The following HCN1 variants were observed in gnomAD, a reference collection of about 807,000 sequenced individuals.
HCN1 encodes potassium/sodium hyperpolarization-activated cyclic nucleotide-gated channel 1.
HCN1 carries 13 observed loss-of-function variants against 78.9 expected under a neutral mutation model. That is an observed-to-expected ratio of 0.16 (90% CI 0.11 to 0.26). The LOEUF is 0.26. Among genes scored for constraint, HCN1 ranks in the 10% least tolerant of loss-of-function variants. HCN1 has a pLI of 1.00. For missense variants in HCN1, 810 were observed against 1,154.3 expected, an observed-to-expected ratio of 0.70 and a Z score of 4.32; for synonymous variants, 552 against 455.5, an observed-to-expected ratio of 1.21 and a Z score of -2.70.
chr5:45,469,185 T>G (rs182371176), intron 2 of HCN1, among the ~76,000 whole-genome samples: 1 of 151,938 alleles, frequency 6.6e-6, no homozygotes, highest in East Asian at 1.9e-4. Context: ...GAAATACATC[T>G]TTTCAACTTT....
chr5:45,324,869 A>G lies in HCN1; in HGVS notation c.1378-21030T>C, dbSNP rs534400223. Among the ~76,000 whole-genome samples, 4 of 151,960 alleles carry G rather than the reference A, an allele frequency of 2.6e-5. No homozygotes were observed. The East Asian group carries it at 7.8e-4, about 29-fold the overall frequency. ...AAAGTTAAAATAAGAATCAAGGAAA[A>G]TTAAAATAAATAAACAAAATAAAAC... On this transcript the variant is annotated intron_variant, in intron 5 of 7. Coordinates refer to ENST00000303230, the MANE Select transcript of HCN1 (RefSeq NM_021072.4).
At chr5:45,673,013 C>T (rs919884180) in intron 1 of HCN1, among the ~76,000 whole-genome samples, 1 of 151,530 alleles carries the variant, frequency 6.6e-6, no homozygotes, top group Non-Finnish European at 1.5e-5. Flanking sequence ...TGTCCATTCT[C>T]TGTTCCAGCA....
Position 45,513,957 on chromosome 5 carries a change from G to A in HCN1, c.850-51950C>T, listed in dbSNP as rs138099411. ...CTGTCCAAATGTAAGGGGATACCAA[G>A]GGACAAGAAGAAAACATCAAGCACT... On this transcript the variant is annotated intron_variant, in intron 2 of 7. Transcript: ENST00000303230. Among the ~76,000 whole-genome samples the A allele has an allele frequency of 5.0e-3, 762 of 152,218 alleles. 4 individuals are homozygous for A. Among genetic ancestry groups the A allele is most frequent in the African/African-American group, 0.018 (727 of 41,538 alleles).
chr5:45,331,734 C>T (rs548716110), intron 5 of HCN1, among the ~76,000 whole-genome samples: 1 of 151,356 alleles, frequency 6.6e-6, no homozygotes, highest in Non-Finnish European at 1.5e-5. Context: ...ACAGCAAAAC[C>T]AAACTACCCA....
At chr5:45,526,510 A>G (rs1742738405) in intron 2 of HCN1, among the ~76,000 whole-genome samples, 1 of 151,978 alleles carries the variant, frequency 6.6e-6, no homozygotes, top group Non-Finnish European at 1.5e-5. Context: ...CAATCCCACT[A>G]CTTCCTCTAT....
At chr5:45,631,354 T>C (rs767411981) in intron 2 of HCN1, among the ~76,000 whole-genome samples, 3 of 152,116 alleles carry the variant, frequency 2.0e-5, no homozygotes, top group Non-Finnish European at 2.9e-5. Context: ...AGTCTGATTG[T>C]TTAAAACCCT....
At chr5:45,347,605 T>C (rs1253270218) in intron 5 of HCN1, among the ~76,000 whole-genome samples, 2 of 152,110 alleles carry the variant, frequency 1.3e-5, no homozygotes, top group Admixed American at 6.5e-5. Context: ...GCAAAGAAGT[T>C]GAAAACTTTG....
At chr5:45,315,672 C>T (rs1248691921) in intron 5 of HCN1, among the ~76,000 whole-genome samples, 2 of 151,822 alleles carry the variant, frequency 1.3e-5, no homozygotes, top group Admixed American at 6.6e-5. Flanking sequence ...ACTAGCAAGA[C>T]TGATAAAGAA....
chr5:45,686,438 T>G lies in HCN1; in HGVS notation c.425+9231A>C, dbSNP rs73104912. 8.6e-3 allele frequency among the ~76,000 whole-genome samples: 1,317 copies of G among 152,338 alleles called. 26 individuals are homozygous for G. Among genetic ancestry groups the G allele is most frequent in the African/African-American group, 0.031 (1,290 of 41,578 alleles). Reference sequence around the variant, plus strand: ...GCTGCCAACTGTGGAACACAAGGACTTAGCTTTCTGACATCACCCAAACCA... The same window carrying G: ...GCTGCCAACTGTGGAACACAAGGACGTAGCTTTCTGACATCACCCAAACCA... On this transcript the variant is annotated intron_variant, in intron 1 of 7. Coordinates refer to ENST00000303230, the MANE Select transcript of HCN1 (RefSeq NM_021072.4).
At chr5:45,691,886 C>T (rs1204553448) in intron 1 of HCN1, among the ~76,000 whole-genome samples, 1 of 152,160 alleles carries the variant, frequency 6.6e-6, no homozygotes, top group South Asian at 2.1e-4. Context: ...ACGGTATCTT[C>T]AGGAAGTAAC....
At chr5:45,675,404 A>G (rs975630153) in intron 1 of HCN1, among the ~76,000 whole-genome samples, 1 of 151,760 alleles carries the variant, frequency 6.6e-6, no homozygotes, top group South Asian at 2.1e-4. Context: ...CTCTAGCCCC[A>G]CTGAGTCACT....
chr5:45,403,074 A>G (rs1246774707), intron 3 of HCN1, among the ~76,000 whole-genome samples: 1 of 151,994 alleles, frequency 6.6e-6, no homozygotes, highest in Non-Finnish European at 1.5e-5. Context: ...GCTATTCTTC[A>G]TGAAGAGTGA....
chr5:45,397,553 C>T (rs1739711853), intron 3 of HCN1, among the ~76,000 whole-genome samples: 1 of 151,520 alleles, frequency 6.6e-6, no homozygotes, highest in African/African-American at 2.4e-5. Flanking sequence ...TTATTGAACT[C>T]CCTAATTCAA....
rs577795683 is a variant in HCN1, at chr5:45,493,549, A to G, written c.850-31542T>C. On this transcript the variant is annotated intron_variant, in intron 2 of 7. Coordinates refer to ENST00000303230, the MANE Select transcript of HCN1 (RefSeq NM_021072.4). ...TATGTTTCTACTTTTATTAGAATAT[A>G]TTTACCAATGTATTTCAATTGTGTT... 2.6e-5 allele frequency among the ~76,000 whole-genome samples: 4 copies of G among 151,736 alleles called. No individual in the cohort carries two copies. The East Asian group carries it at 7.7e-4, about 29-fold the overall frequency.
intron 3 of HCN1, among the ~76,000 whole-genome samples, chr5:45,444,525 G>A (rs980501244): frequency 6.6e-6 from 1 of 152,042 alleles, no homozygotes; most frequent in Admixed American, 6.6e-5. Flanking sequence ...AAAACCCTTA[G>A]TATGCTTTAC....
At chr5:45,274,669 C>T (rs1745020606) in intron 6 of HCN1, among the ~76,000 whole-genome samples, 1 of 152,180 alleles carries the variant, frequency 6.6e-6, no homozygotes, top group Admixed American at 6.5e-5. Context: ...CATCAAGTAG[C>T]TCTCCAAATT....
chr5:45,480,978 AT>A (rs1476744661), intron 2 of HCN1, among the ~76,000 whole-genome samples: 2 of 152,228 alleles, frequency 1.3e-5, no homozygotes, highest in African/African-American at 2.4e-5. Flanking sequence ...TAGTAGTTCC[AT>A]TATTCGAATG....
intron 3 of HCN1, among the ~76,000 whole-genome samples, chr5:45,459,786 C>A (rs1398466401): frequency 6.6e-6 from 1 of 151,878 alleles, no homozygotes; most frequent in Non-Finnish European, 1.5e-5. Flanking sequence ...TTGGTTGGTG[C>A]CAATGAATCA....
intron 4 of HCN1, among the ~76,000 whole-genome samples, chr5:45,365,578 T>C (rs1390442566): frequency 6.6e-6 from 1 of 151,972 alleles, no homozygotes; most frequent in Non-Finnish European, 1.5e-5. Flanking sequence ...ATTTTCTTTA[T>C]CCATTCAACT....
Sources: allele counts gnomAD v4.1 joint callset (sites outside exome capture counted in the v4.1 genomes callset), GRCh38; gene constraint gnomAD v4.1.1; transcripts MANE v1.5; gene names NCBI Gene and HGNC (gene_info 2026-07-23, HGNC 2026-07-21).